HSF2BP: variants seen among roughly 807,000 people sequenced by gnomAD.
HSF2BP encodes the protein heat shock factor 2-binding protein.
Under a neutral mutation model 35.0 loss-of-function variants are expected in HSF2BP, and 35 were observed. The ratio of observed to expected loss-of-function variants is 1.00; its 90% CI spans 0.76 to 1.32. The LOEUF is 1.32. Among genes scored for constraint, HSF2BP ranks in the 40% most tolerant of loss-of-function variants. The probability of loss-of-function intolerance (pLI) is 0.00; values close to 1 mark genes in which losing one functional copy is unlikely to be tolerated. For missense variants in HSF2BP, 326 were observed against 321.7 expected (o/e 1.01, Z -0.10); for synonymous variants, 114 against 117.4 (o/e 0.97, Z 0.18).
chr21:43,599,591 C>A (rs1003656739), intron 7 of HSF2BP, among the ~76,000 whole-genome samples: 11 of 152,022 alleles, frequency 7.2e-5, no homozygotes, highest in African/African-American at 2.7e-4. Flanking sequence ...GTCAGGAGTT[C>A]GAGACCAGCC....
intron 4 of HSF2BP, among the ~76,000 whole-genome samples, chr21:43,636,233 GAAAA>G (rs2082555065): frequency 8.8e-6 from 1 of 113,348 alleles, no homozygotes; most frequent in South Asian, 2.7e-4. Flanking sequence ...GAAAAGAAAA[GAAAA>G]GAAAAGAAAA....
In HSF2BP at chr21:43,657,265, C is replaced by G. The variant is rs111445605; in HGVS notation, c.37-528G>C. On this transcript the variant is annotated intron_variant, in intron 2 of 8. Transcript: ENST00000291560. Reference sequence around the variant, plus strand: ...GGCGCCTGTACGCAGCAGGCTGACACGGGAAGAAGGCTTGAGCTCAGGAGT... The same window carrying G: ...GGCGCCTGTACGCAGCAGGCTGACAGGGGAAGAAGGCTTGAGCTCAGGAGT... Among the ~76,000 whole-genome samples the G allele has an allele frequency of 4.3e-3, 655 of 152,258 alleles. 3 individuals carry two copies. Among genetic ancestry groups the G allele is most frequent in the African/African-American group, 0.015 (620 of 41,550 alleles).
At chr21:43,650,357 C>A (rs1424404685) in intron 3 of HSF2BP, among the ~76,000 whole-genome samples, 1 of 152,090 alleles carries the variant, frequency 6.6e-6, no homozygotes, top group African/African-American at 2.4e-5. Context: ...CAGGCGCCCG[C>A]CACCATGCCC....
intron 7 of HSF2BP, among the ~76,000 whole-genome samples, chr21:43,610,461 C>T (rs868676205): frequency 1.3e-4 from 19 of 150,068 alleles, no homozygotes; most frequent in African/African-American, 3.9e-4. Context: ...ATTAGCTGCG[C>T]ATGGTGGCGT....
intron 7 of HSF2BP, among the ~76,000 whole-genome samples, chr21:43,607,269 A>T (rs2082146461): frequency 6.6e-6 from 1 of 151,812 alleles, no homozygotes; most frequent in African/African-American, 2.4e-5. Flanking sequence ...CAGCCTGGGT[A>T]AAAGGGTGAG....
At chr21:43,582,469 G>A (rs1411534142) in intron 8 of HSF2BP, among the ~76,000 whole-genome samples, 5 of 144,476 alleles carry the variant, frequency 3.5e-5, no homozygotes, top group African/African-American at 5.1e-5. Flanking sequence ...GGCCGGCTGA[G>A]GGAGATGAAG....
intron 7 of HSF2BP, among the ~76,000 whole-genome samples, chr21:43,613,205 G>A (rs1273742709): frequency 1.3e-5 from 2 of 152,222 alleles, no homozygotes; most frequent in Non-Finnish European, 2.9e-5. Flanking sequence ...AGCGACTGTG[G>A]CTTGAAGATG....
chr21:43,645,992 A>C (rs963360412), intron 3 of HSF2BP, among the ~76,000 whole-genome samples: 9 of 152,172 alleles, frequency 5.9e-5, no homozygotes, highest in African/African-American at 1.9e-4. Flanking sequence ...TAAACATCAT[A>C]AAATTGGCTG....
chr21:43,630,211 G>A, intron 6 of HSF2BP, 111 bp downstream of exon 6: 3 of 840,832 alleles, frequency 3.6e-6, no homozygotes, highest in Non-Finnish European at 1.8e-6. Flanking sequence ...ATTTGTATAT[G>A]CACTGGGAAA....
chr21:43,635,691 T>G (rs2082542085), intron 4 of HSF2BP, among the ~76,000 whole-genome samples: 1 of 151,328 alleles, frequency 6.6e-6, no homozygotes, highest in Non-Finnish European at 1.5e-5. Context: ...CTGAGGTGGG[T>G]GGATTGCTTG....
chr21:43,631,456 C>T (rs1458127699), intron 5 of HSF2BP, among the ~76,000 whole-genome samples: 1 of 152,176 alleles, frequency 6.6e-6, no homozygotes, highest in Non-Finnish European at 1.5e-5. Flanking sequence ...CGAGCTCACT[C>T]CAGCCAGACC....
At chr21:43,618,960 A>G (rs1433803642) in intron 6 of HSF2BP, among the ~76,000 whole-genome samples, 3 of 151,958 alleles carry the variant, frequency 2.0e-5, no homozygotes, top group Non-Finnish European at 4.4e-5. Context: ...AAGAAAAAAA[A>G]AAAAGAAAAA....
intron 3 of HSF2BP, 28 bp from the exon 4 acceptor site, chr21:43,644,420 G>A (rs1481660571): frequency 6.5e-7 from 1 of 1,540,466 alleles, no homozygotes; most frequent in Non-Finnish European, 9.0e-7. Context: ...AATTACTCAA[G>A]ATATTTCAAG....
intron 8 of HSF2BP, among the ~76,000 whole-genome samples, chr21:43,576,147 A>G (rs1258763681): frequency 2.6e-5 from 4 of 151,780 alleles, no homozygotes; most frequent in Non-Finnish European, 4.4e-5. Context: ...AGTCATTTCC[A>G]AATTCTCATA....
At chr21:43,599,199 T>C (rs766280408) in intron 7 of HSF2BP, among the ~76,000 whole-genome samples, 2 of 152,236 alleles carry the variant, frequency 1.3e-5, no homozygotes, top group Non-Finnish European at 2.9e-5. Context: ...TAAATTTTCA[T>C]ATTTGGTCAA....
At chr21:43,649,836 T>C (rs918482700) in intron 3 of HSF2BP, among the ~76,000 whole-genome samples, 6 of 152,250 alleles carry the variant, frequency 3.9e-5, no homozygotes, top group African/African-American at 1.4e-4. Context: ...AAGCAAAGAA[T>C]TGCTCGATCT....
intron 7 of HSF2BP, 148 bp downstream of exon 7, chr21:43,613,682 T>C (rs2082236253): frequency 1.5e-6 from 1 of 649,382 alleles, no homozygotes; most frequent in Non-Finnish European, 2.7e-6. Flanking sequence ...TAAGAGACAG[T>C]GCACGCCCTT....
rs371300342 is a variant in HSF2BP, at chr21:43,615,033, A to G, written c.575-1086T>C. Among the ~76,000 whole-genome samples the G allele has an allele frequency of 5.9e-5, 9 of 152,318 alleles. No individual in the cohort carries two copies. The East Asian group carries it at 1.7e-3, about 29-fold the overall frequency. On this transcript the variant is annotated intron_variant, in intron 6 of 8. Coordinates refer to ENST00000291560, the MANE Select transcript of HSF2BP (RefSeq NM_007031.2). ...AGACCGAGTAATTACACTGCTCCCA[A>G]TGGGCAGTGCTGCAGCCATTACTGG... is the stretch of plus-strand genomic sequence containing the variant.
intron 8 of HSF2BP, 32 bp downstream of exon 8, chr21:43,592,193 C>T (rs746588086): frequency 7.0e-7 from 1 of 1,434,330 alleles, no homozygotes; most frequent in Non-Finnish European, 9.8e-7. Flanking sequence ...ATAACCCGTA[C>T]AAGCAGCTGG....
Sources: gnomAD v4.1 joint callset for allele counts (sites outside exome capture counted in the v4.1 genomes callset) on GRCh38, gnomAD v4.1.1 for gene constraint, MANE v1.5 for transcripts, NCBI Gene and HGNC (gene_info 2026-07-23, HGNC 2026-07-21) for gene names.